GABRG3: variants seen among roughly 807,000 people sequenced by gnomAD.
GABRG3 encodes the protein gamma-aminobutyric acid type A receptor subunit gamma3, also known as gamma-aminobutyric acid receptor subunit gamma-3.
Under a neutral mutation model 48.8 loss-of-function variants are expected in GABRG3, and 25 were observed. The observed-to-expected ratio is 0.51, with a 90% CI of 0.37 to 0.72. GABRG3 has a LOEUF of 0.72. GABRG3 is among the 30% of genes least tolerant of loss of function. The pLI is 0.00. For synonymous variants in GABRG3, 227 were observed against 217.6 expected, an observed-to-expected ratio of 1.04 and a Z score of -0.38; for missense variants, 394 against 577.9, an observed-to-expected ratio of 0.68 and a Z score of 3.26.
chr15:27,523,945 A>T (rs970938966), intron 7 of GABRG3, among the ~76,000 whole-genome samples: 4 of 152,162 alleles, frequency 2.6e-5, no homozygotes, highest in Admixed American at 2.6e-4. Flanking sequence ...GAAAAAGAGA[A>T]ATAGAATGGG....
intron 3 of GABRG3, among the ~76,000 whole-genome samples, chr15:27,167,445 G>A (rs1232931571): frequency 6.6e-6 from 1 of 152,196 alleles, no homozygotes; most frequent in Non-Finnish European, 1.5e-5. Context: ...TCCTGGCTGG[G>A]CTCAGCTTAG....
chr15:27,502,762 C>T (rs1166051262), intron 6 of GABRG3, among the ~76,000 whole-genome samples: 1 of 152,212 alleles, frequency 6.6e-6, no homozygotes, highest in South Asian at 2.1e-4. Flanking sequence ...TTTCAGATTA[C>T]TAATTTATTA....
At chr15:27,446,337 G>C (rs1254567621) in intron 5 of GABRG3, among the ~76,000 whole-genome samples, 1 of 151,908 alleles carries the variant, frequency 6.6e-6, no homozygotes, top group Non-Finnish European at 1.5e-5. Flanking sequence ...TAGGACATTC[G>C]TGTGCTTCTG....
At chr15:27,502,152 T>C (rs1047670087) in intron 6 of GABRG3, among the ~76,000 whole-genome samples, 1 of 152,232 alleles carries the variant, frequency 6.6e-6, no homozygotes, top group South Asian at 2.1e-4. Flanking sequence ...AAATTTAACA[T>C]GAAGTCTAAA....
chr15:27,465,319 T>C lies in GABRG3; in HGVS notation c.575-15331T>C, dbSNP rs144580816. Among the ~76,000 whole-genome samples, 620 of 151,554 alleles carry C rather than the reference T, an allele frequency of 4.1e-3. 2 individuals carry two copies. Among genetic ancestry groups the C allele is most frequent in the African/African-American group, 0.014 (576 of 40,982 alleles). ...CACGTTTTTAAAGCTACTGAAATCC[T>C]GAAAAATTACATGAAAATGGATACA... is the stretch of plus-strand genomic sequence containing the variant. On this transcript the variant is annotated intron_variant, in intron 5 of 9. Transcript: ENST00000615808.
At position 27,532,968 on chromosome 15, in the gene GABRG3, G is replaced by A. The variant is rs1595816439; in HGVS notation, c.*87G>A. 7.8e-7 allele frequency: 1 copy of A among 1,278,154 alleles called. No homozygotes were observed. The highest frequency in any genetic ancestry group is 1.1e-6 in the Non-Finnish European group (1 of 921,270). The allele number at this position is 1,278,154 out of a possible 1,614,324, so 79.2% of individuals were successfully genotyped here. A position where few individuals can be genotyped will look rare whatever the true frequency, so the allele number is the denominator to read the frequency against. On this transcript the variant is annotated 3_prime_UTR_variant, in exon 10 of 10. Coordinates refer to ENST00000615808, the MANE Select transcript of GABRG3 (RefSeq NM_033223.5). Reference sequence around the variant, plus strand: ...GACCAGTAGTGACCAATCGGGAGTAGCAAGGAAGGACACTGCCCAGTGTAT... The same window carrying A: ...GACCAGTAGTGACCAATCGGGAGTAACAAGGAAGGACACTGCCCAGTGTAT...
At chr15:27,193,553 G>A (rs1021205130) in intron 3 of GABRG3, among the ~76,000 whole-genome samples, 7 of 152,082 alleles carry the variant, frequency 4.6e-5, no homozygotes, top group East Asian at 1.9e-4. Context: ...CTGGTGCGCC[G>A]TTTTTTAAGC....
chr15:27,443,893 T>C (rs75011184), intron 5 of GABRG3, among the ~76,000 whole-genome samples: 10,143 of 152,276 alleles, frequency 0.067, 770 homozygotes, highest in East Asian at 0.29. Context: ...ACCTCATCTA[T>C]TGAGATGATC....
intron 5 of GABRG3, among the ~76,000 whole-genome samples, chr15:27,469,633 G>A (rs1222348430): frequency 3.9e-5 from 6 of 152,210 alleles, no homozygotes; most frequent in Admixed American, 6.5e-5. Flanking sequence ...GAGCCACCGC[G>A]CCTGGCCTCA....
At chr15:27,003,990 CA>C (rs1415289117) in intron 2 of GABRG3, among the ~76,000 whole-genome samples, 1 of 149,232 alleles carries the variant, frequency 6.7e-6, no homozygotes, top group African/African-American at 2.5e-5. Flanking sequence ...GCTGACCCCC[CA>C]CCTCCCTCCC....
chr15:27,059,470 A>G (rs967431980), intron 3 of GABRG3, among the ~76,000 whole-genome samples: 4 of 152,248 alleles, frequency 2.6e-5, no homozygotes, highest in African/African-American at 9.6e-5. Flanking sequence ...ATAATTTCAA[A>G]GTTTCTATTG....
At chr15:27,229,380 A>T (rs1889726003) in intron 3 of GABRG3, among the ~76,000 whole-genome samples, 1 of 151,846 alleles carries the variant, frequency 6.6e-6, no homozygotes, top group Non-Finnish European at 1.5e-5. Context: ...CAAAGATCAG[A>T]TGCTATAGAT....
chr15:27,517,076 C>T (rs911953996), intron 6 of GABRG3, among the ~76,000 whole-genome samples: 8 of 151,956 alleles, frequency 5.3e-5, no homozygotes, highest in Admixed American at 1.3e-4. Context: ...CTGACAACAT[C>T]GTGCCCACCT....
At chr15:27,088,607 G>A (rs1595516924) in intron 3 of GABRG3, among the ~76,000 whole-genome samples, 1 of 152,240 alleles carries the variant, frequency 6.6e-6, no homozygotes, top group South Asian at 2.1e-4. Flanking sequence ...GGGAGGCCTC[G>A]GAAACTCACA....
intron 3 of GABRG3, among the ~76,000 whole-genome samples, chr15:27,216,770 A>T (rs1470267833): frequency 1.8e-4 from 16 of 89,398 alleles, no homozygotes; most frequent in East Asian, 6.0e-4. Flanking sequence ...TTATTTATTT[A>T]TTTTTTAATT....
In GABRG3 at chr15:27,527,637, G is replaced by A. The variant is rs373976015; in HGVS notation, c.1062+8G>A. The A allele has an allele frequency of 2.5e-6, 4 of 1,597,546 alleles. No homozygotes were observed. The South Asian group carries it at 4.5e-5, about 18-fold the overall frequency. On this transcript the variant is annotated splice_region_variant and intron_variant, in intron 8 of 9. Coordinates refer to ENST00000615808, the MANE Select transcript of GABRG3 (RefSeq NM_033223.5). ...ACGAAGAAGACAACATCGGTGAGCT[G>A]CAGTAGCAAAGGTTCTCCGGGAGGT...
At chr15:27,188,091 T>C (rs1888160002) in intron 3 of GABRG3, among the ~76,000 whole-genome samples, 1 of 152,124 alleles carries the variant, frequency 6.6e-6, no homozygotes, top group Non-Finnish European at 1.5e-5. Flanking sequence ...TATTCCATGG[T>C]GTATATGTGC....
At chr15:27,333,933 C>A (rs1893882457) in intron 5 of GABRG3, among the ~76,000 whole-genome samples, 1 of 152,028 alleles carries the variant, frequency 6.6e-6, no homozygotes, top group African/African-American at 2.4e-5. Flanking sequence ...TCATTTAGTT[C>A]CTCATTCCTT....
intron 5 of GABRG3, among the ~76,000 whole-genome samples, chr15:27,360,365 C>T (rs771697482): frequency 6.6e-5 from 10 of 152,132 alleles, no homozygotes; most frequent in Non-Finnish European, 1.5e-4. Context: ...TTGGAGATCT[C>T]CTGGGCAAAG....
Sources: allele counts gnomAD v4.1 joint callset (sites outside exome capture counted in the v4.1 genomes callset), GRCh38; gene constraint gnomAD v4.1.1; transcripts MANE v1.5; gene names NCBI Gene and HGNC (gene_info 2026-07-23, HGNC 2026-07-21).